Variants in TENM3 observed in about 807,000 individuals in gnomAD.
The protein encoded by TENM3 is teneurin transmembrane protein 3.
TENM3 carries 63 observed loss-of-function variants against 255.1 expected under a neutral mutation model. That is an observed-to-expected ratio of 0.25 (90% confidence interval 0.20 to 0.30). The LOEUF (loss-of-function observed/expected upper bound fraction) is 0.30, where lower values mean the gene tolerates loss of function less well. TENM3 is among the 10% of genes least tolerant of loss of function. The pLI is 1.00. For synonymous variants in TENM3, 1,306 were observed against 1,322.3 expected, an observed-to-expected ratio of 0.99 and a Z score of 0.27; for missense variants, 2,929 against 3,461.1, an observed-to-expected ratio of 0.85 and a Z score of 3.86.
intron 1 of TENM3, among the ~76,000 whole-genome samples, chr4:182,229,333 T>G: frequency 6.6e-6 from 1 of 152,178 alleles, no homozygotes; most frequent in East Asian, 1.9e-4. Flanking sequence ...TGTTAATAGC[T>G]TTTGAAGAAT....
intron 13 of TENM3, among the ~76,000 whole-genome samples, chr4:182,717,862 A>C (rs974189928): frequency 1.3e-5 from 2 of 152,180 alleles, no homozygotes; most frequent in Non-Finnish European, 2.9e-5. Context: ...ATCCCAAAAC[A>C]CTGTGATCAT....
At chr4:181,742,958 AGAATGATGATTTC>A in the TENM3 span, among the ~76,000 whole-genome samples, 491 of 151,956 alleles carry the variant, frequency 3.2e-3, 1 homozygote, top group Middle Eastern at 0.014. Flanking sequence ...TAGTTTACTG[AGAATGATGATTTC>A]CAATTTCATC....
chr4:182,130,553 G>C, the TENM3 span, among the ~76,000 whole-genome samples: 560 of 152,232 alleles, frequency 3.7e-3, 1 homozygote, highest in African/African-American at 0.013. Context: ...TCCCTAGTCA[G>C]AGACGTTACC....
chr4:181,669,250 T>C, the TENM3 span, among the ~76,000 whole-genome samples: 2 of 152,198 alleles, frequency 1.3e-5, no homozygotes, highest in Non-Finnish European at 2.9e-5. Flanking sequence ...TACATACTAA[T>C]GCATTTAATC....
At chr4:182,659,793 A>G (rs1332200839) in intron 6 of TENM3, among the ~76,000 whole-genome samples, 4 of 152,196 alleles carry the variant, frequency 2.6e-5, no homozygotes, top group African/African-American at 4.8e-5. Context: ...TCAGTGACCT[A>G]GATTCTAGTC....
chr4:182,553,733 T>C (rs1038618912), intron 3 of TENM3, among the ~76,000 whole-genome samples: 2 of 152,214 alleles, frequency 1.3e-5, no homozygotes, highest in African/African-American at 4.8e-5. Context: ...CAGCACTTTT[T>C]CAGACCACAA....
the TENM3 span, among the ~76,000 whole-genome samples, chr4:181,509,150 G>A: frequency 6.6e-6 from 1 of 151,818 alleles, no homozygotes; most frequent in Admixed American, 6.6e-5. Flanking sequence ...TCTAAGCAAA[G>A]GTGTAAACTG....
At chr4:182,398,813 G>T (rs1475461262) in intron 3 of TENM3, among the ~76,000 whole-genome samples, 2 of 152,194 alleles carry the variant, frequency 1.3e-5, no homozygotes, top group Non-Finnish European at 2.9e-5. Flanking sequence ...ATTTGGTAAG[G>T]TCTTTTTGAA....
At chr4:181,791,112 G>A in the TENM3 span, among the ~76,000 whole-genome samples, 1 of 152,194 alleles carries the variant, frequency 6.6e-6, no homozygotes, top group South Asian at 2.1e-4. Flanking sequence ...GGAATGAGCT[G>A]TTTTTAAAGC....
At chr4:182,596,488 A>T (rs775091854) in intron 3 of TENM3, among the ~76,000 whole-genome samples, 2 of 152,194 alleles carry the variant, frequency 1.3e-5, no homozygotes, top group Non-Finnish European at 2.9e-5. Flanking sequence ...AGAAAGATCA[A>T]TGATTTTTAC....
the TENM3 span, among the ~76,000 whole-genome samples, chr4:181,762,421 T>TG: frequency 6.6e-6 from 1 of 152,186 alleles, no homozygotes; most frequent in Admixed American, 6.6e-5. Flanking sequence ...CAATCTGTTT[T>TG]GGGGGTCCTT....
intron 3 of TENM3, among the ~76,000 whole-genome samples, chr4:182,523,369 A>G (rs962079329): frequency 2.0e-5 from 3 of 152,062 alleles, no homozygotes; most frequent in African/African-American, 4.8e-5. Flanking sequence ...TACCCTGTCA[A>G]CCAATTAATT....
intron 3 of TENM3, among the ~76,000 whole-genome samples, chr4:182,521,601 G>C (rs1738581524): frequency 1.3e-5 from 2 of 152,102 alleles, no homozygotes; most frequent in African/African-American, 4.8e-5. Context: ...GATAAAATGG[G>C]CTTGAAATTA....
the TENM3 span, among the ~76,000 whole-genome samples, chr4:181,477,554 A>G: frequency 2.9e-3 from 439 of 152,300 alleles, 1 homozygote; most frequent in Non-Finnish European, 4.6e-3. Context: ...GTCTACCTAA[A>G]TGATTTTTCC....
At chr4:181,941,927 TG>T in the TENM3 span, among the ~76,000 whole-genome samples, 1 of 152,170 alleles carries the variant, frequency 6.6e-6, no homozygotes, top group African/African-American at 2.4e-5. Flanking sequence ...TGAAGAGGCT[TG>T]GAGTTAAAAT....
the TENM3 span, among the ~76,000 whole-genome samples, chr4:181,629,384 G>A: frequency 6.6e-6 from 1 of 152,184 alleles, no homozygotes; most frequent in Non-Finnish European, 1.5e-5. Context: ...TTGAATAGGA[G>A]TGGTGAGAGA....
chr4:181,454,011 G>C, the TENM3 span, among the ~76,000 whole-genome samples: 2 of 152,108 alleles, frequency 1.3e-5, no homozygotes, highest in African/African-American at 4.8e-5. Flanking sequence ...ATAAAAATAA[G>C]AAGTTCTAAT....
At chr4:182,750,966 T>TA (rs1286718706) in intron 19 of TENM3, among the ~76,000 whole-genome samples, 1 of 152,262 alleles carries the variant, frequency 6.6e-6, no homozygotes, top group Non-Finnish European at 1.5e-5. Context: ...ATTCCAATGA[T>TA]ACGTCATAAT....
the TENM3 span, among the ~76,000 whole-genome samples, chr4:181,553,555 C>G: frequency 5.3e-4 from 81 of 151,842 alleles, no homozygotes; most frequent in Non-Finnish European, 8.4e-4. Flanking sequence ...CATTCTCCTG[C>G]CTCAGCCTCC....
Sources: gnomAD v4.1 joint callset for allele counts (sites outside exome capture counted in the v4.1 genomes callset) on GRCh38, gnomAD v4.1.1 for gene constraint, MANE v1.5 for transcripts, NCBI Gene and HGNC (gene_info 2026-07-23, HGNC 2026-07-21) for gene names.